The following SETD3 variants were observed in gnomAD, a reference collection of about 807,000 sequenced individuals.
SETD3 encodes SET domain containing 3, actin N3(tau)-histidine methyltransferase.
SETD3 carries 19 observed loss-of-function variants against 63.0 expected under a neutral mutation model. The ratio of observed to expected loss-of-function variants is 0.30; its 90% CI spans 0.21 to 0.44. The LOEUF (loss-of-function observed/expected upper bound fraction) is 0.44. Among genes scored for constraint, SETD3 ranks in the 20% least tolerant of loss-of-function variants. The probability of loss-of-function intolerance (pLI) is 1.00; values close to 1 mark genes in which losing one functional copy is unlikely to be tolerated. For synonymous variants in SETD3, 286 were observed against 264.1 expected, an observed-to-expected ratio of 1.08 and a Z score of -0.80; for missense variants, 587 against 728.5, an observed-to-expected ratio of 0.81 and a Z score of 2.24.
chr14:99,400,792 G>A (rs1891348579), intron 11 of SETD3, among the ~76,000 whole-genome samples: 1 of 152,164 alleles, frequency 6.6e-6, no homozygotes. Context: ...GCCACAAACT[G>A]AAAGAAATAA....
In SETD3 at chr14:99,436,583, A is replaced by G. The variant is rs143338407; in HGVS notation, c.675+21696T>C. On this transcript the variant is annotated intron_variant, in intron 6 of 12. Transcript: ENST00000331768. ...GGCCCTCCTTAAATTCAAAAGAATA[A>G]AAGTAAGTGAGTTTGGCTTGGAATG... Among the ~76,000 whole-genome samples the G allele has an allele frequency of 7.2e-3, 1,091 of 152,314 alleles. 8 individuals are homozygous for G. The highest frequency in any genetic ancestry group is 0.024 in the African/African-American group (1,006 of 41,564).
chr14:99,410,164 A>C, intron 8 of SETD3: 1 of 1,591,408 alleles, frequency 6.3e-7, no homozygotes, highest in Non-Finnish European at 8.6e-7. Context: ...TGCCTAAGGA[A>C]TGGAGGGTCT....
intron 3 of SETD3, among the ~76,000 whole-genome samples, chr14:99,462,578 A>G (rs559425711): frequency 7.5e-4 from 114 of 152,306 alleles, no homozygotes; most frequent in African/African-American, 2.7e-3. Context: ...TATAGTAAAC[A>G]GTATCTACGC....
chr14:99,457,996 T>C (rs531661809), intron 6 of SETD3, among the ~76,000 whole-genome samples: 10 of 152,328 alleles, frequency 6.6e-5, no homozygotes, highest in African/African-American at 2.2e-4. Context: ...TAAAATTTCA[T>C]TGTGATCTTT....
At chr14:99,485,260 G>A (rs896670443), upstream of SETD3, among the ~76,000 whole-genome samples, 4 of 152,304 alleles carry the variant, frequency 2.6e-5, no homozygotes, top group African/African-American at 9.6e-5. Context: ...TTATCCGCTT[G>A]TGGACCGAGG....
intron 6 of SETD3, among the ~76,000 whole-genome samples, chr14:99,431,700 A>G (rs1461278577): frequency 6.6e-6 from 1 of 152,100 alleles, no homozygotes; most frequent in Non-Finnish European, 1.5e-5. Context: ...ATTGTTGGCC[A>G]GGCTGGTCTT....
At chr14:99,435,434 G>A (rs893254083) in intron 6 of SETD3, among the ~76,000 whole-genome samples, 5 of 152,204 alleles carry the variant, frequency 3.3e-5, no homozygotes, top group East Asian at 3.9e-4. Flanking sequence ...CTTACTTCCC[G>A]ATAGCTTGTC....
upstream of SETD3, among the ~76,000 whole-genome samples, chr14:99,482,662 C>T (rs925988417): frequency 5.9e-5 from 9 of 152,132 alleles, no homozygotes; most frequent in African/African-American, 1.4e-4. Flanking sequence ...GATTTCTGGG[C>T]AAATCCTGTT....
upstream of SETD3, among the ~76,000 whole-genome samples, chr14:99,484,081 C>CA (rs1896423343): frequency 6.6e-6 from 1 of 152,204 alleles, no homozygotes. Context: ...ATTACATTTA[C>CA]AAAACCTGAG....
chr14:99,448,566 TTCC>T (rs1894270558), intron 6 of SETD3, among the ~76,000 whole-genome samples: 1 of 152,158 alleles, frequency 6.6e-6, no homozygotes, highest in Admixed American at 6.5e-5. Flanking sequence ...ATCTACCCAG[TTCC>T]CATGACCATA....
chr14:99,441,362 C>A (rs911729888), intron 6 of SETD3, among the ~76,000 whole-genome samples: 2 of 152,238 alleles, frequency 1.3e-5, no homozygotes, highest in African/African-American at 4.8e-5. Context: ...GCAATCAGTT[C>A]CCCATTCAAC....
At chr14:99,451,491 C>T (rs898303345) in intron 6 of SETD3, among the ~76,000 whole-genome samples, 1 of 152,070 alleles carries the variant, frequency 6.6e-6, no homozygotes, top group Non-Finnish European at 1.5e-5. Flanking sequence ...GGTGTTGTAT[C>T]TTTTTTCTTT....
intron 8 of SETD3, chr14:99,411,279 T>C (rs953503470): frequency 6.7e-6 from 1 of 149,752 alleles, no homozygotes; most frequent in Non-Finnish European, 1.5e-5. Flanking sequence ...ACAGCACTGG[T>C]TGTCATCAAT....
upstream of SETD3, chr14:99,481,294 C>T: frequency 5.0e-6 from 2 of 397,020 alleles, no homozygotes; most frequent in Non-Finnish European, 8.9e-6. Flanking sequence ...AGCGGCGGCT[C>T]GTTCCTCTTT....
rs150735906 is a variant in SETD3, at chr14:99,467,707, C to T, written c.-8-1894G>A. 4.5e-3 allele frequency among the ~76,000 whole-genome samples: 678 copies of T among 152,314 alleles called. 7 individuals are homozygous for T. Among genetic ancestry groups the T allele is most frequent in the African/African-American group, 0.015 (626 of 41,566 alleles). On this transcript the variant is annotated intron_variant, in intron 1 of 12. Coordinates refer to ENST00000331768, the MANE Select transcript of SETD3 (RefSeq NM_032233.3). The stretch of plus-strand genomic sequence containing the variant: ...ACCTTCTGCTGTGGGAGCCTGTAAA[C>T]GAGGCAAGAACGTCACTTTGATGAG...
intron 1 of SETD3, among the ~76,000 whole-genome samples, chr14:99,474,732 A>G (rs573377515): frequency 2.3e-4 from 35 of 152,306 alleles, no homozygotes; most frequent in Non-Finnish European, 4.3e-4. Flanking sequence ...TGGGAAGCTG[A>G]GGTACAAGAA....
chr14:99,465,705 T>G lies in SETD3; in HGVS notation c.101A>C (p.Gln34Pro). ...EILNLTSELL[Q>P]KCSSPAPGPG... Reference sequence around the variant, plus strand: ...GGAGAGCCCAGAGGAGGACTTACTCTGCAGCAGCTCACTGGTCAGGTTCAA... The same window carrying G: ...GGAGAGCCCAGAGGAGGACTTACTCGGCAGCAGCTCACTGGTCAGGTTCAA... The change falls in exon 2 of 13, where the codon CAG (glutamine) becomes CCG (proline). Residue 34 changes from glutamine to proline, a missense_variant and splice_region_variant. By Grantham distance (76) the Gln-to-Pro change is moderately conservative. Transcript: ENST00000331768. The G allele has an allele frequency of 6.2e-7, 1 of 1,613,424 alleles. No homozygotes were observed. The highest frequency in any genetic ancestry group is 8.5e-7 in the Non-Finnish European group (1 of 1,179,480).
At chr14:99,406,709 G>A in intron 8 of SETD3, 119 bp from the exon 9 acceptor site, 1 of 959,846 alleles carries the variant, frequency 1.0e-6, no homozygotes, top group Non-Finnish European at 1.6e-6. Flanking sequence ...CTCAAAAGGT[G>A]GCATCTGAAT....
chr14:99,435,744 C>T (rs1332342156), intron 6 of SETD3, among the ~76,000 whole-genome samples: 7 of 130,864 alleles, frequency 5.3e-5, no homozygotes, highest in Non-Finnish European at 8.0e-5. Context: ...ACCCCCCCAC[C>T]TTTTTTTTTT....
Sources: allele counts gnomAD v4.1 joint callset (sites outside exome capture counted in the v4.1 genomes callset), GRCh38; gene constraint gnomAD v4.1.1; transcripts MANE v1.5; gene names NCBI Gene and HGNC (gene_info 2026-07-23, HGNC 2026-07-21).